Variants in PPP3CB observed in about 807,000 individuals in gnomAD.
PPP3CB encodes the protein protein phosphatase 3 catalytic subunit beta.
In PPP3CB, 8 loss-of-function variants were observed where a neutral mutation model predicts 66.4. That is an observed-to-expected ratio of 0.12 (90% CI 0.07 to 0.22). The LOEUF (loss-of-function observed/expected upper bound fraction) is 0.22, where lower values mean the gene tolerates loss of function less well. PPP3CB is among the 10% of genes least tolerant of loss of function. The probability of loss-of-function intolerance (pLI) is 1.00; values close to 1 mark genes in which losing one functional copy is unlikely to be tolerated. For synonymous variants in PPP3CB, 208 were observed against 221.2 expected, an observed-to-expected ratio of 0.94 and a Z score of 0.53; for missense variants, 319 against 642.5, an observed-to-expected ratio of 0.50 and a Z score of 5.44.
chr10:73,446,396 G>C, intron 11 of PPP3CB, 96 bp downstream of exon 11: 1 of 1,159,010 alleles, frequency 8.6e-7, no homozygotes, highest in Non-Finnish European at 1.3e-6. Flanking sequence ...CACCATACCC[G>C]GCCCCATTTT....
chr10:73,451,158 A>G (rs74403582), intron 10 of PPP3CB, among the ~76,000 whole-genome samples: 6,832 of 152,062 alleles, frequency 0.045, 468 homozygotes, highest in African/African-American at 0.15. Context: ...ATCTACCATC[A>G]TGCCTATTTA....
chr10:73,490,865 G>A (rs1017100794), intron 1 of PPP3CB, among the ~76,000 whole-genome samples: 4 of 151,454 alleles, frequency 2.6e-5, no homozygotes, highest in African/African-American at 7.3e-5. Flanking sequence ...ACGGAATATC[G>A]CTCTGTCACC....
At chr10:73,483,472 T>C (rs995250240) in intron 1 of PPP3CB, among the ~76,000 whole-genome samples, 20 of 152,024 alleles carry the variant, frequency 1.3e-4, no homozygotes, top group Non-Finnish European at 2.6e-4. Flanking sequence ...CCGGCCAACA[T>C]GGTGAAACCC....
chr10:73,488,352 C>G (rs2057020882), intron 1 of PPP3CB, among the ~76,000 whole-genome samples: 1 of 152,036 alleles, frequency 6.6e-6, no homozygotes, highest in Non-Finnish European at 1.5e-5. Flanking sequence ...TGAGACCAAT[C>G]TGGGCAACAT....
At chr10:73,460,112 G>A (rs1021488304) in intron 9 of PPP3CB, among the ~76,000 whole-genome samples, 12 of 152,198 alleles carry the variant, frequency 7.9e-5, no homozygotes, top group Middle Eastern at 3.4e-3. Context: ...AGGCTGAAGA[G>A]AAAGTAGGGA....
At chr10:73,482,808 G>A (rs1402397376) in intron 1 of PPP3CB, among the ~76,000 whole-genome samples, 3 of 151,994 alleles carry the variant, frequency 2.0e-5, no homozygotes, top group African/African-American at 7.2e-5. Flanking sequence ...AGTAGAGATA[G>A]GGTTTCACCA....
chr10:73,476,938 G>C (rs772872944), intron 3 of PPP3CB, among the ~76,000 whole-genome samples: 79 of 152,066 alleles, frequency 5.2e-4, no homozygotes, highest in Non-Finnish European at 7.9e-4. Flanking sequence ...CAGAAAAAAA[G>C]GTATATTGGA....
chr10:73,487,159 C>T (rs756791414), intron 1 of PPP3CB, among the ~76,000 whole-genome samples: 2 of 151,764 alleles, frequency 1.3e-5, no homozygotes, highest in African/African-American at 2.4e-5. Flanking sequence ...GAGAGTGAGA[C>T]TTTCTCTCAA....
intron 9 of PPP3CB, among the ~76,000 whole-genome samples, chr10:73,455,361 C>A (rs2056409330): frequency 6.6e-6 from 1 of 152,112 alleles, no homozygotes; most frequent in African/African-American, 2.4e-5. Flanking sequence ...TCTGGTTTTC[C>A]CACATTTGGA....
chr10:73,466,532 T>C (rs1564559080), intron 9 of PPP3CB, among the ~76,000 whole-genome samples: 1 of 152,188 alleles, frequency 6.6e-6, no homozygotes, highest in East Asian at 1.9e-4. Flanking sequence ...GTTGTAAGTG[T>C]AATGCATCCC....
At chr10:73,439,135 T>G (rs1435065551) in intron 13 of PPP3CB, among the ~76,000 whole-genome samples, 1 of 152,218 alleles carries the variant, frequency 6.6e-6, no homozygotes, top group African/African-American at 2.4e-5. Context: ...ATTGTATGGT[T>G]TCTCATTCAC....
intron 1 of PPP3CB, among the ~76,000 whole-genome samples, chr10:73,486,301 T>G (rs1464366200): frequency 6.8e-6 from 1 of 147,208 alleles, no homozygotes; most frequent in East Asian, 2.0e-4. Flanking sequence ...ACTGGTTTTT[T>G]TTTTTTTTTT....
intron 1 of PPP3CB, among the ~76,000 whole-genome samples, chr10:73,493,602 A>G (rs2057113538): frequency 6.6e-6 from 1 of 152,270 alleles, no homozygotes; most frequent in East Asian, 1.9e-4. Flanking sequence ...AGGAGACTCC[A>G]TGAGCAGTGC....
intron 9 of PPP3CB, among the ~76,000 whole-genome samples, chr10:73,463,915 G>C (rs2056573552): frequency 6.6e-6 from 1 of 151,274 alleles, no homozygotes; most frequent in East Asian, 1.9e-4. Flanking sequence ...GATTACAGGC[G>C]TAAGCCACTG....
At chr10:73,492,152 A>C (rs1352198357) in intron 1 of PPP3CB, among the ~76,000 whole-genome samples, 1 of 152,138 alleles carries the variant, frequency 6.6e-6, no homozygotes, top group Non-Finnish European at 1.5e-5. Flanking sequence ...AAAACACATA[A>C]ATTCAGCATT....
intron 9 of PPP3CB, among the ~76,000 whole-genome samples, chr10:73,459,143 A>G (rs1351014755): frequency 6.6e-6 from 1 of 152,182 alleles, no homozygotes; most frequent in Non-Finnish European, 1.5e-5. Context: ...AAGGTTAATC[A>G]TAGAGTTACA....
At chr10:73,440,342 T>C (rs1412373779) in intron 12 of PPP3CB, among the ~76,000 whole-genome samples, 1 of 152,232 alleles carries the variant, frequency 6.6e-6, no homozygotes, top group East Asian at 1.9e-4. Context: ...TTTTCTTTCA[T>C]GTCAGTGAGA....
At chr10:73,489,423 T>C (rs2057037001) in intron 1 of PPP3CB, among the ~76,000 whole-genome samples, 1 of 151,874 alleles carries the variant, frequency 6.6e-6, no homozygotes, top group Admixed American at 6.6e-5. Flanking sequence ...ATAATAATAA[T>C]AATAATAATG....
intron 1 of PPP3CB, among the ~76,000 whole-genome samples, chr10:73,481,759 G>A (rs2056883286): frequency 6.6e-6 from 1 of 151,072 alleles, no homozygotes; most frequent in South Asian, 2.1e-4. Context: ...AACTAAGGCA[G>A]AGAGATGCCA....
Sources: allele counts gnomAD v4.1 joint callset (sites outside exome capture counted in the v4.1 genomes callset), GRCh38; gene constraint gnomAD v4.1.1; transcripts MANE v1.5; gene names NCBI Gene and HGNC (gene_info 2026-07-23, HGNC 2026-07-21).